TTC28: variants seen among roughly 807,000 people sequenced by gnomAD.
TTC28 encodes tetratricopeptide repeat protein 28.
A neutral mutation model predicts 198.0 loss-of-function variants in TTC28; 61 were observed. That is an observed-to-expected ratio of 0.31 (90% CI 0.25 to 0.38). The LOEUF (loss-of-function observed/expected upper bound fraction) is 0.38, where lower values mean the gene tolerates loss of function less well. Ranked by LOEUF, TTC28 falls within the 10% of genes least tolerant of loss-of-function variation. TTC28 has a pLI of 1.00. For missense variants in TTC28, 2,678 were observed against 3,164.0 expected (o/e 0.85, Z 3.69); for synonymous variants, 1,171 against 1,297.8 (o/e 0.90, Z 2.10).
chr22:28,081,092 A>C (rs1941338281), intron 12 of TTC28, among the ~76,000 whole-genome samples: 1 of 151,700 alleles, frequency 6.6e-6, no homozygotes, highest in South Asian at 2.1e-4. Context: ...GTAACATAGA[A>C]ATACACATAT....
Position 28,107,126 on chromosome 22 carries a change from C to A in TTC28, c.2719G>T (p.Ala907Ser). The A allele has an allele frequency of 1.3e-6, 2 of 1,551,676 alleles. No homozygotes were observed. The highest frequency in any genetic ancestry group is 1.2e-5 in the South Asian group (1 of 84,060). Residue 907 changes from alanine (A) to serine (S), a missense_variant, in exon 7 of 23, where the codon GCG becomes TCG. Ala to Ser is a moderately conservative substitution (Grantham distance 99). Around this residue, in one of 8 missense-constraint regions of TTC28, gnomAD observed 775 missense variants for 845.9 expected, o/e 0.92. Transcript: ENST00000397906. The stretch of plus-strand genomic sequence containing the variant: ...TCTTGCATGCGATTCAGACTCTGCG[C>A]GACAGATAAATATTGTTCATAGTAT... Reference protein sequence around the residue: ...IKYYEQYLSVAQSLNRMQDQA... With the variant: ...IKYYEQYLSVSQSLNRMQDQA...
At chr22:28,492,676 G>C (rs2048395732) in intron 2 of TTC28, among the ~76,000 whole-genome samples, 2 of 152,100 alleles carry the variant, frequency 1.3e-5, no homozygotes, top group African/African-American at 2.4e-5. Context: ...CTAAAGTTTT[G>C]GGAAGTAGCA....
At chr22:28,035,553 A>G (rs929162327) in intron 12 of TTC28, among the ~76,000 whole-genome samples, 5 of 152,164 alleles carry the variant, frequency 3.3e-5, no homozygotes, top group Non-Finnish European at 5.9e-5. Flanking sequence ...TATCCTGGGG[A>G]TCTGAAAAGG....
intron 2 of TTC28, among the ~76,000 whole-genome samples, chr22:28,374,713 G>A (rs1025292421): frequency 3.3e-5 from 5 of 152,042 alleles, no homozygotes; most frequent in Non-Finnish European, 4.4e-5. Context: ...ATGGAGTCTC[G>A]CTCTGTCACC....
At chr22:28,528,158 T>C (rs951737315) in intron 2 of TTC28, among the ~76,000 whole-genome samples, 2 of 152,222 alleles carry the variant, frequency 1.3e-5, no homozygotes, top group Admixed American at 1.3e-4. Flanking sequence ...AAATGAGACA[T>C]TTTTGAGTAA....
chr22:28,388,805 C>G (rs1448307369), intron 2 of TTC28, among the ~76,000 whole-genome samples: 3 of 152,158 alleles, frequency 2.0e-5, no homozygotes, highest in African/African-American at 7.2e-5. Flanking sequence ...AATTTGACTT[C>G]CTCTTTTCCT....
chr22:28,646,268 A>G lies in TTC28; in HGVS notation c.103-16438T>C, dbSNP rs115237918. ...CACTGCTATGCACTGGCAACAATCA[A>G]GCTGGGAATCAAATCAGAAACTCAG... On this transcript the variant is annotated intron_variant, in intron 1 of 22. Transcript: ENST00000397906. Among the ~76,000 whole-genome samples, 143 of 152,322 alleles carry G rather than the reference A, an allele frequency of 9.4e-4. 1 individual carries two copies. The highest frequency in any genetic ancestry group is 2.3e-3 in the African/African-American group (97 of 41,580).
chr22:28,526,999 C>T (rs1370177024), intron 2 of TTC28, among the ~76,000 whole-genome samples: 1 of 152,058 alleles, frequency 6.6e-6, no homozygotes, highest in Non-Finnish European at 1.5e-5. Context: ...CTCAGGTGAT[C>T]CACCCGCCTC....
At chr22:28,110,968 A>T (rs183860251) in intron 6 of TTC28, among the ~76,000 whole-genome samples, 1 of 151,852 alleles carries the variant, frequency 6.6e-6, no homozygotes, top group Non-Finnish European at 1.5e-5. Context: ...GTTTATTGAC[A>T]TAGGAAGAAA....
At chr22:28,422,530 C>A (rs1569316868) in intron 2 of TTC28, among the ~76,000 whole-genome samples, 1 of 152,014 alleles carries the variant, frequency 6.6e-6, no homozygotes, top group Non-Finnish European at 1.5e-5. Flanking sequence ...GCTCCACCTC[C>A]CAGGTTCACG....
At chr22:28,228,759 G>A (rs1193900524) in intron 5 of TTC28, among the ~76,000 whole-genome samples, 1 of 152,074 alleles carries the variant, frequency 6.6e-6, no homozygotes, top group Admixed American at 6.5e-5. Flanking sequence ...AAGATCTGAG[G>A]AAGGTCACTC....
chr22:28,109,160 A>G (rs1346906684), intron 6 of TTC28, among the ~76,000 whole-genome samples: 2 of 152,390 alleles, frequency 1.3e-5, no homozygotes, highest in South Asian at 2.1e-4. Context: ...ACAACCTTCA[A>G]TGTGGCACCA....
chr22:28,165,202 T>C (rs192075457), intron 5 of TTC28, among the ~76,000 whole-genome samples: 26 of 152,346 alleles, frequency 1.7e-4, no homozygotes, highest in East Asian at 9.6e-4. Context: ...CTACATCTCA[T>C]TGGTGTACCT....
intron 18 of TTC28, chr22:27,992,928 T>C (rs138645): frequency 1.9e-6 from 1 of 535,712 alleles, no homozygotes; most frequent in African/African-American, 1.9e-5. Context: ...GCACCACCCC[T>C]AGTCAAGCAC....
chr22:28,161,798 A>AAGGGAGGG (rs545714724), intron 6 of TTC28, among the ~76,000 whole-genome samples: 4 of 140,444 alleles, frequency 2.8e-5, no homozygotes, highest in Non-Finnish European at 6.2e-5. Context: ...GGAAGGGAGG[A>AAGGGAGGG]AGGGAGGGAG....
intron 2 of TTC28, among the ~76,000 whole-genome samples, chr22:28,370,168 C>T (rs2145987219): frequency 6.6e-6 from 1 of 152,290 alleles, no homozygotes; most frequent in South Asian, 2.1e-4. Flanking sequence ...ACGCCTTACT[C>T]CCTCCCTGCC....
Position 27,983,166 on chromosome 22 carries a change from C to T in TTC28, c.6501G>A (p.Leu2167=). The change falls in exon 23 of 23, where the codon CTG becomes CTA. Residue 2167 remains leucine (L), a synonymous_variant. Coordinates refer to ENST00000397906, the MANE Select transcript of TTC28 (RefSeq NM_001145418.2). ...LDPQELAQKI[L]EETQSHLIAV... ...CAATGAGATGACTCTGTGTCTCCTCCAGAATTTTCTGGGCTAACTCTTGTG... is the reference window on the plus strand; with the variant it reads ...CAATGAGATGACTCTGTGTCTCCTCTAGAATTTTCTGGGCTAACTCTTGTG... 6.4e-7 allele frequency: 1 copy of T among 1,551,838 alleles called. No homozygotes were observed. The highest frequency in any genetic ancestry group is 1.2e-5 in the South Asian group (1 of 84,062).
chr22:28,181,480 T>C (rs1419404553), intron 5 of TTC28, among the ~76,000 whole-genome samples: 2 of 152,204 alleles, frequency 1.3e-5, no homozygotes, highest in Non-Finnish European at 2.9e-5. Context: ...AGGTATCCTG[T>C]TAGACATTTT....
chr22:28,111,018 A>G (rs941663457), intron 6 of TTC28, among the ~76,000 whole-genome samples: 1 of 152,050 alleles, frequency 6.6e-6, no homozygotes, highest in African/African-American at 2.4e-5. Context: ...CCAAAACAGT[A>G]CATTTTAATG....
Sources: gnomAD v4.1 joint callset for allele counts (sites outside exome capture counted in the v4.1 genomes callset) on GRCh38, gnomAD v4.1.1 for gene constraint, gnomAD v4.1.1 regional missense constraint, MANE v1.5 for transcripts, NCBI Gene and HGNC (gene_info 2026-07-23, HGNC 2026-07-21) for gene names.